The following KCNB2 variants were observed in gnomAD, a reference collection of about 807,000 sequenced individuals.
The protein encoded by KCNB2 is delayed rectifier potassium channel protein.
Under a neutral mutation model 61.5 loss-of-function variants are expected in KCNB2, and 15 were observed. The ratio of observed to expected loss-of-function variants is 0.24; its 90% confidence interval spans 0.16 to 0.38. KCNB2 has a LOEUF of 0.38. KCNB2 is among the 10% of genes least tolerant of loss of function. The pLI is 1.00. For synonymous variants in KCNB2, 457 were observed against 446.0 expected, an observed-to-expected ratio of 1.02 and a Z score of -0.31; for missense variants, 828 against 1,125.2, an observed-to-expected ratio of 0.74 and a Z score of 3.78.
At chr8:72,672,307 A>T (rs1016454187) in intron 2 of KCNB2, among the ~76,000 whole-genome samples, 11 of 152,220 alleles carry the variant, frequency 7.2e-5, no homozygotes, top group African/African-American at 2.7e-4. Flanking sequence ...TTAGAAACGT[A>T]AAAGAGATAA....
chr8:72,723,567 A>G (rs1357483981), intron 2 of KCNB2, among the ~76,000 whole-genome samples: 1 of 152,106 alleles, frequency 6.6e-6, no homozygotes, highest in East Asian at 1.9e-4. Context: ...CCTGTGTCCC[A>G]CACTCCCACT....
chr8:72,543,174 T>C (rs1204115641), intron 1 of KCNB2, among the ~76,000 whole-genome samples: 1 of 151,530 alleles, frequency 6.6e-6, no homozygotes, highest in Admixed American at 6.6e-5. Flanking sequence ...TAATAAATCA[T>C]ATCTACACAT....
intron 2 of KCNB2, among the ~76,000 whole-genome samples, chr8:72,606,837 A>G (rs1805459610): frequency 6.6e-6 from 1 of 152,188 alleles, no homozygotes; most frequent in Non-Finnish European, 1.5e-5. Context: ...AGAAAAGTGT[A>G]TCTGAAATGA....
intron 2 of KCNB2, among the ~76,000 whole-genome samples, chr8:72,720,523 C>T (rs1220378508): frequency 6.6e-6 from 1 of 152,182 alleles, no homozygotes; most frequent in Non-Finnish European, 1.5e-5. Context: ...ACTCTCCACA[C>T]TCTTCCCATC....
rs1274207234 is a variant in KCNB2 at position 72,787,248 on chromosome 8, T to G, written c.580-148687T>G. Among the ~76,000 whole-genome samples, 7 of 152,098 alleles carry G rather than the reference T, an allele frequency of 4.6e-5. No homozygotes were observed. In the South Asian group the frequency reaches 6.2e-4, roughly 14 times the overall value. ...CGTCTCTATAATTTTTTTTTTTCAC[T>G]TAGCTACCCATGGTGGAACACACCT... On this transcript the variant is annotated intron_variant, in intron 2 of 2. Coordinates refer to ENST00000523207, the MANE Select transcript of KCNB2 (RefSeq NM_004770.3).
At chr8:72,581,974 T>C (rs150836733) in intron 2 of KCNB2, among the ~76,000 whole-genome samples, 88 of 152,286 alleles carry the variant, frequency 5.8e-4, no homozygotes, top group African/African-American at 1.8e-3. Context: ...CTACCACTGA[T>C]GGCAGATGGA....
At position 72,567,945 on chromosome 8, in the gene KCNB2, G is replaced by A. The variant is rs1159161740; in HGVS notation, c.211G>A (p.Glu71Lys). The A allele has an allele frequency of 6.2e-7, 1 of 1,613,798 alleles. No homozygotes were observed. The highest frequency in any genetic ancestry group is 1.3e-5 in the African/African-American group (1 of 74,878). Reference protein sequence around the residue: ...LGKLRDCNTHESLLEVCDDYN... With the variant: ...LGKLRDCNTHKSLLEVCDDYN... ...GAAGCTTCGAGACTGCAACACACAC[G>A]AGAGCCTCCTGGAAGTGTGCGACGA... The change falls in exon 2 of 3, where the codon GAG (glutamate) becomes AAG (lysine). Residue 71 changes from glutamate (E) to lysine (K), a missense_variant. Physicochemically the swap from Glu to Lys is moderately conservative, Grantham distance 56 (BLOSUM62 1). This residue lies in a region of KCNB2 where 163 missense variants were observed against 314.4 expected (regional missense o/e 0.52). Coordinates refer to ENST00000523207, the MANE Select transcript of KCNB2 (RefSeq NM_004770.3).
chr8:72,686,808 A>G (rs1425131818), intron 2 of KCNB2, among the ~76,000 whole-genome samples: 1 of 152,236 alleles, frequency 6.6e-6, no homozygotes, highest in Non-Finnish European at 1.5e-5. Context: ...CAAAACTCAG[A>G]GATTAAACCC....
At chr8:72,850,970 TG>T (rs1166336397) in intron 2 of KCNB2, among the ~76,000 whole-genome samples, 13 of 152,222 alleles carry the variant, frequency 8.5e-5, no homozygotes, top group Admixed American at 3.3e-4. Context: ...CTCTAATATA[TG>T]TCTACAATGA....
intron 2 of KCNB2, among the ~76,000 whole-genome samples, chr8:72,739,234 A>G (rs1385783827): frequency 6.6e-6 from 1 of 151,494 alleles, no homozygotes; most frequent in Non-Finnish European, 1.5e-5. Context: ...TCTCCTCCCA[A>G]CCCCCACCCC....
At chr8:72,771,580 A>G (rs1808561510) in intron 2 of KCNB2, among the ~76,000 whole-genome samples, 1 of 152,148 alleles carries the variant, frequency 6.6e-6, no homozygotes, top group Non-Finnish European at 1.5e-5. Context: ...TTCATTAAAT[A>G]ATAAGTTTGA....
At chr8:72,721,038 C>T (rs116212424) in intron 2 of KCNB2, among the ~76,000 whole-genome samples, 195 of 152,284 alleles carry the variant, frequency 1.3e-3, no homozygotes, top group African/African-American at 4.3e-3. Flanking sequence ...TTTCATTTAA[C>T]CTTGGCCTTG....
rs771687420 is a variant in KCNB2, at chr8:72,936,921, G to A, written c.1566G>A (p.Glu522=). 1 of 1,614,128 alleles carries A rather than the reference G, an allele frequency of 6.2e-7. No individual in the cohort carries two copies. Among genetic ancestry groups the A allele is most frequent in the Non-Finnish European group, 8.5e-7 (1 of 1,180,016 alleles). The part of the protein sequence containing the change: ...YQEVSQKDSH[E]QLNNTSSSSP... The stretch of plus-strand genomic sequence containing the variant: ...AGGTTAGCCAAAAAGACTCCCACGA[G>A]CAGCTGAACAACACGTCTTCCTCCA... The change falls in exon 3 of 3, where the codon GAG becomes GAA. Residue 522 remains glutamate (E), a synonymous_variant. Coordinates refer to ENST00000523207, the MANE Select transcript of KCNB2 (RefSeq NM_004770.3). The surrounding 1 kb of genome is among the most constrained non-coding windows in gnomAD (Gnocchi z 5.6).
intron 2 of KCNB2, among the ~76,000 whole-genome samples, chr8:72,904,251 T>C (rs1307215853): frequency 6.6e-6 from 1 of 152,218 alleles, no homozygotes; most frequent in Non-Finnish European, 1.5e-5. Flanking sequence ...AAAGTGTGTA[T>C]AGATCGTTTT....
chr8:72,748,229 G>C (rs548384024), intron 2 of KCNB2, among the ~76,000 whole-genome samples: 1 of 152,164 alleles, frequency 6.6e-6, no homozygotes, highest in South Asian at 2.1e-4. Context: ...TTTCCTCATT[G>C]GTTCAAGTCT....
intron 2 of KCNB2, among the ~76,000 whole-genome samples, chr8:72,608,316 G>C (rs1805485583): frequency 6.6e-6 from 1 of 152,162 alleles, no homozygotes; most frequent in African/African-American, 2.4e-5. Context: ...CAGGCAGGGA[G>C]AGGAGGCAGG....
intron 2 of KCNB2, among the ~76,000 whole-genome samples, chr8:72,660,325 AT>A (rs1806358184): frequency 6.6e-6 from 1 of 152,144 alleles, no homozygotes; most frequent in African/African-American, 2.4e-5. Context: ...CTTGCAGAGG[AT>A]GAAGGTGGTC....
intron 1 of KCNB2, among the ~76,000 whole-genome samples, chr8:72,555,480 C>T (rs1239776808): frequency 6.6e-6 from 1 of 151,718 alleles, no homozygotes; most frequent in South Asian, 2.1e-4. Flanking sequence ...ATCACAATAG[C>T]TTATTTTACA....
intron 2 of KCNB2, among the ~76,000 whole-genome samples, chr8:72,899,894 T>G (rs7015692): frequency 0.37 from 56,214 of 151,946 alleles, 11,791 homozygotes; most frequent in African/African-American, 0.57. Context: ...AACAGGCCAG[T>G]TGTCATGGGT....
Sources: gnomAD v4.1 joint callset for allele counts (sites outside exome capture counted in the v4.1 genomes callset) on GRCh38, gnomAD v4.1.1 for gene constraint, gnomAD v4.1.1 regional missense constraint, Gnocchi (gnomAD v3.1) non-coding constraint, MANE v1.5 for transcripts, NCBI Gene and HGNC (gene_info 2026-07-23, HGNC 2026-07-21) for gene names.